Variants in TBC1D4 observed in about 807,000 individuals in gnomAD.
TBC1D4 encodes the protein TBC (Tre-2, BUB2, CDC16) domain-containing protein.
A neutral mutation model predicts 142.5 loss-of-function variants in TBC1D4; 121 were observed. That is an observed-to-expected ratio of 0.85 (90% CI 0.73 to 0.99). The LOEUF is 0.99. Among genes scored for constraint, TBC1D4 ranks in the 50% least tolerant of loss-of-function variants. The pLI, the probability that TBC1D4 is intolerant of heterozygous loss-of-function variation, is 0.00. For synonymous variants in TBC1D4, 630 were observed against 628.2 expected (o/e 1.00, Z -0.04); for missense variants, 1,475 against 1,606.6 (o/e 0.92, Z 1.40).
In TBC1D4 at chr13:75,302,256, A is replaced by G. The variant is rs1876644751; in HGVS notation, c.2898T>C (p.Ile966=). ...TGACAAACATACCTAAATCCACGAG[A>G]ATCGCATGCTGCTGAGCAGTGAGCT... is the stretch of plus-strand genomic sequence containing the variant. ...LKQLTAQQHA[I]LVDLGRTFPT... The change falls in exon 16 of 21, where the codon ATT becomes ATC. Residue 966 remains isoleucine, a synonymous_variant. Coordinates refer to ENST00000377636, the MANE Select transcript of TBC1D4 (RefSeq NM_014832.5). 6.2e-7 allele frequency: 1 copy of G among 1,614,108 alleles called. No homozygotes were observed. The highest frequency in any genetic ancestry group is 8.5e-7 in the Non-Finnish European group (1 of 1,180,048).
chr13:75,410,175 A>G (rs758296696), intron 1 of TBC1D4, among the ~76,000 whole-genome samples: 2 of 152,282 alleles, frequency 1.3e-5, no homozygotes, highest in Admixed American at 6.5e-5. Context: ...TATAATTACT[A>G]TGTTTGATAT....
chr13:75,406,634 A>G (rs1885360556), intron 1 of TBC1D4, among the ~76,000 whole-genome samples: 1 of 152,216 alleles, frequency 6.6e-6, no homozygotes, highest in Admixed American at 6.5e-5. Context: ...ATTCATCTCT[A>G]TAACATATAT....
intron 1 of TBC1D4, among the ~76,000 whole-genome samples, chr13:75,476,170 G>A (rs1888621902): frequency 6.6e-6 from 1 of 152,158 alleles, no homozygotes; most frequent in Non-Finnish European, 1.5e-5. Context: ...TTGAACCTGA[G>A]AGGTGGAGGT....
At chr13:75,331,896 A>G (rs1393895343) in intron 8 of TBC1D4, among the ~76,000 whole-genome samples, 2 of 151,536 alleles carry the variant, frequency 1.3e-5, no homozygotes, top group Non-Finnish European at 2.9e-5. Flanking sequence ...CCCTTTTGCT[A>G]TGTAACCTTT....
chr13:75,330,509 GGTAA>G (rs1374953492), intron 8 of TBC1D4, among the ~76,000 whole-genome samples: 3 of 152,180 alleles, frequency 2.0e-5, no homozygotes, highest in Non-Finnish European at 4.4e-5. Context: ...CCAGTTGTGA[GGTAA>G]GTATGGTTAT....
chr13:75,317,603 T>G (rs1566372434), intron 12 of TBC1D4, among the ~76,000 whole-genome samples: 1 of 152,224 alleles, frequency 6.6e-6, no homozygotes, highest in Non-Finnish European at 1.5e-5. Context: ...CCATAGAATT[T>G]TTTCCTTCTT....
chr13:75,305,784 A>G (rs1019363635), intron 15 of TBC1D4, among the ~76,000 whole-genome samples: 4 of 152,206 alleles, frequency 2.6e-5, no homozygotes, highest in Non-Finnish European at 4.4e-5. Flanking sequence ...AAATTCTTAA[A>G]TATCAGGCAT....
Position 75,320,027 on chromosome 13 carries a change from CA to C in TBC1D4, c.2208del (p.Ala737LeufsTer22). 1 of 1,613,230 alleles carries C rather than the reference CA, an allele frequency of 6.2e-7. No homozygotes were observed. The highest frequency in any genetic ancestry group is 1.3e-5 in the African/African-American group (1 of 75,004). ...ACCTCTAATCACCTTGATTCTGAAG[CA>C]GTGTCTTGTCTGGTACAACAGGAAA... ...PQYENEIRQD[T>X]ASESSDGEGR... is the part of the protein sequence containing the mutation. On this transcript the variant is annotated frameshift_variant, in exon 12 of 21. Transcript: ENST00000377636. LOFTEE classifies it high-confidence loss of function.
chr13:75,448,563 C>T (rs1887395449), intron 1 of TBC1D4, among the ~76,000 whole-genome samples: 1 of 145,082 alleles, frequency 6.9e-6, no homozygotes, highest in African/African-American at 2.6e-5. Context: ...AGCGAAACTC[C>T]GTCTCAAAAA....
At chr13:75,410,384 TCTC>T in intron 1 of TBC1D4, among the ~76,000 whole-genome samples, 1 of 152,104 alleles carries the variant, frequency 6.6e-6, no homozygotes, top group East Asian at 1.9e-4. Context: ...TCTATCTCCT[TCTC>T]CTCAGAGCTG....
intron 1 of TBC1D4, among the ~76,000 whole-genome samples, chr13:75,382,338 C>A (rs1593819903): frequency 6.6e-6 from 1 of 152,082 alleles, no homozygotes; most frequent in Non-Finnish European, 1.5e-5. Context: ...CCAGGTTTTT[C>A]TCTCACTATC....
intron 1 of TBC1D4, among the ~76,000 whole-genome samples, chr13:75,450,892 T>C (rs970682059): frequency 9.9e-5 from 15 of 152,138 alleles, no homozygotes; most frequent in Non-Finnish European, 1.9e-4. Context: ...TAGCATAAAC[T>C]ATCAAGTGTA....
chr13:75,472,455 A>G (rs1177156600), intron 1 of TBC1D4, among the ~76,000 whole-genome samples: 1 of 152,094 alleles, frequency 6.6e-6, no homozygotes, highest in Non-Finnish European at 1.5e-5. Context: ...AGAATTGTGG[A>G]TGGATTTAAA....
chr13:75,406,984 A>G (rs539918649), intron 1 of TBC1D4, among the ~76,000 whole-genome samples: 6 of 152,338 alleles, frequency 3.9e-5, no homozygotes, highest in Middle Eastern at 3.4e-3. Context: ...GAAACTTAAC[A>G]TGATAGTTAT....
At chr13:75,412,478 T>C (rs1885719958) in intron 1 of TBC1D4, among the ~76,000 whole-genome samples, 1 of 152,074 alleles carries the variant, frequency 6.6e-6, no homozygotes, top group African/African-American at 2.4e-5. Context: ...TTTTTATTTT[T>C]TATTTTTAAT....
chr13:75,384,218 T>C (rs1884037274), intron 1 of TBC1D4, among the ~76,000 whole-genome samples: 1 of 152,206 alleles, frequency 6.6e-6, no homozygotes, highest in African/African-American at 2.4e-5. Context: ...GGCAGATCGC[T>C]TGAGATCAGG....
chr13:75,414,235 C>T (rs747384478), intron 1 of TBC1D4, among the ~76,000 whole-genome samples: 1 of 152,192 alleles, frequency 6.6e-6, no homozygotes, highest in Non-Finnish European at 1.5e-5. Context: ...AAACAGCTGA[C>T]TTGGTTAAAC....
chr13:75,447,596 T>TAC (rs374789087), intron 1 of TBC1D4, among the ~76,000 whole-genome samples: 2 of 151,440 alleles, frequency 1.3e-5, no homozygotes, highest in Non-Finnish European at 2.9e-5. Flanking sequence ...ATACTTTATA[T>TAC]ACACACACAC....
intron 1 of TBC1D4, among the ~76,000 whole-genome samples, chr13:75,399,778 C>G (rs565121002): frequency 6.6e-6 from 1 of 152,158 alleles, no homozygotes; most frequent in East Asian, 1.9e-4. Flanking sequence ...GCTGCTCTGA[C>G]CAAAAGAATG....
Sources: gnomAD v4.1 joint callset for allele counts (sites outside exome capture counted in the v4.1 genomes callset) on GRCh38, gnomAD v4.1.1 for gene constraint, MANE v1.5 for transcripts, NCBI Gene and HGNC (gene_info 2026-07-23, HGNC 2026-07-21) for gene names.